Variants in RBFOX1 observed in about 807,000 individuals in gnomAD.
RBFOX1 encodes RNA binding fox-1 homolog 1.
Under a neutral mutation model 57.7 loss-of-function variants are expected in RBFOX1, and 8 were observed. The observed-to-expected ratio is 0.14, with a 90% CI of 0.08 to 0.25. The LOEUF (loss-of-function observed/expected upper bound fraction) is 0.25, where lower values mean the gene tolerates loss of function less well. Ranked by LOEUF, RBFOX1 falls within the 10% of genes least tolerant of loss-of-function variation. RBFOX1 has a pLI of 1.00. For missense variants in RBFOX1, 611 were observed against 548.5 expected, an observed-to-expected ratio of 1.11 and a Z score of -1.14; for synonymous variants, 326 against 222.4, an observed-to-expected ratio of 1.47 and a Z score of -4.15.
intron 3 of RBFOX1, among the ~76,000 whole-genome samples, chr16:6,705,788 C>T (rs964781396): frequency 6.6e-6 from 1 of 152,118 alleles, no homozygotes; most frequent in African/African-American, 2.4e-5. Context: ...GAGCCCGAGG[C>T]AGGCAGATCA....
At chr16:7,208,584 C>G (rs74587285) in intron 4 of RBFOX1, among the ~76,000 whole-genome samples, 4,792 of 152,114 alleles carry the variant, frequency 0.032, 115 homozygotes, top group South Asian at 0.092. Context: ...ACCTGTAACC[C>G]CAGCAATTTG....
chr16:7,402,379 C>G (rs1205385403), intron 4 of RBFOX1, among the ~76,000 whole-genome samples: 1 of 152,164 alleles, frequency 6.6e-6, no homozygotes. Context: ...CAGATTAAGG[C>G]ATTGTACTTC....
chr16:7,006,493 A>C (rs1330600552), intron 3 of RBFOX1, among the ~76,000 whole-genome samples: 1 of 152,012 alleles, frequency 6.6e-6, no homozygotes, highest in Non-Finnish European at 1.5e-5. Flanking sequence ...TCTATTGGTC[A>C]GGCTGGAATG....
chr16:6,887,982 C>A (rs1466582463), intron 3 of RBFOX1, among the ~76,000 whole-genome samples: 3 of 151,938 alleles, frequency 2.0e-5, no homozygotes, highest in African/African-American at 7.2e-5. Flanking sequence ...ATTTTTATTA[C>A]TGCATCTTAT....
Position 6,494,887 on chromosome 16 carries a change from A to G in RBFOX1, c.-63-159716A>G, listed in dbSNP as rs1056210486. The stretch of plus-strand genomic sequence containing the variant: ...AATAGCCAGCATTTATGTAGCATCC[A>G]CCATATGCCAGGCTGTATTCTAAGC... On this transcript the variant is annotated intron_variant, in intron 2 of 15. Coordinates refer to ENST00000550418, the MANE Select transcript of RBFOX1 (RefSeq NM_018723.4). Among the ~76,000 whole-genome samples, 5 of 152,182 alleles carry G rather than the reference A, an allele frequency of 3.3e-5. No homozygotes were observed. The East Asian group carries it at 9.6e-4, about 29-fold the overall frequency.
At chr16:5,564,444 T>C (rs912534897) in intron 2 of RBFOX1, among the ~76,000 whole-genome samples, 3 of 152,206 alleles carry the variant, frequency 2.0e-5, no homozygotes, top group African/African-American at 7.2e-5. Context: ...TCTTGGATTA[T>C]CTCTTTCTCT....
At chr16:7,000,819 C>G (rs186003801) in intron 3 of RBFOX1, among the ~76,000 whole-genome samples, 4 of 151,852 alleles carry the variant, frequency 2.6e-5, no homozygotes, top group East Asian at 1.9e-4. Flanking sequence ...AGCCAGGATG[C>G]TCTCGATCTC....
At chr16:7,282,937 C>A (rs543136653) in intron 4 of RBFOX1, among the ~76,000 whole-genome samples, 28 of 152,270 alleles carry the variant, frequency 1.8e-4, no homozygotes, top group Admixed American at 1.8e-3. Flanking sequence ...GTTGAGTAGT[C>A]CATCATGTGT....
At chr16:7,486,125 T>C (rs1353454955) in intron 4 of RBFOX1, among the ~76,000 whole-genome samples, 2 of 140,522 alleles carry the variant, frequency 1.4e-5, no homozygotes, top group Non-Finnish European at 3.1e-5. Context: ...GTCTTTTTTT[T>C]TTTTTTTTTT....
chr16:5,391,245 T>A (rs1207102357), intron 1 of RBFOX1, among the ~76,000 whole-genome samples: 1 of 152,224 alleles, frequency 6.6e-6, no homozygotes, highest in African/African-American at 2.4e-5. Flanking sequence ...ACATTTATTC[T>A]CTTATAGTAC....
At chr16:5,299,704 G>C (rs2063757353) in intron 1 of RBFOX1, among the ~76,000 whole-genome samples, 1 of 152,088 alleles carries the variant, frequency 6.6e-6, no homozygotes, top group Non-Finnish European at 1.5e-5. Context: ...ATTTCATGGG[G>C]TTTTTTGATG....
rs77489256 is a variant in RBFOX1, at chr16:5,489,778, T to C, written c.258+22524T>C. ...ATAGCTGTCTCTCCAAGAGGGCAAA[T>C]AGGTTCCTCAGGGTCACCCAGCTCA... On this transcript the variant is annotated intron_variant, in intron 2 of 2. Coordinates refer to the RBFOX1 transcript ENST00000585867. 2.4e-4 allele frequency among the ~76,000 whole-genome samples: 36 copies of C among 152,276 alleles called. No individual in the cohort carries two copies. In the East Asian group the frequency reaches 5.6e-3, roughly 24 times the overall value.
At chr16:6,504,929 C>A (rs1054727328) in intron 2 of RBFOX1, among the ~76,000 whole-genome samples, 2 of 151,780 alleles carry the variant, frequency 1.3e-5, no homozygotes, top group African/African-American at 4.8e-5. Flanking sequence ...AATTTTTTAA[C>A]TGGGCTAGTG....
At position 7,508,840 on chromosome 16, in the gene RBFOX1, A is replaced by G. The variant is rs1225843651; in HGVS notation, c.28-9307A>G. 3.3e-5 allele frequency among the ~76,000 whole-genome samples: 5 copies of G among 152,182 alleles called. No homozygotes were observed. The East Asian group carries it at 9.6e-4, about 29-fold the overall frequency. ...TTTATTCACTTCAGAAACCCCATCC[A>G]TTCCTTCCAGTAGGGGAAGATCTCT... On this transcript the variant is annotated intron_variant, in intron 4 of 15. Coordinates refer to ENST00000550418, the MANE Select transcript of RBFOX1 (RefSeq NM_018723.4).
chr16:5,658,257 A>T (rs2049520061), intron 3 of RBFOX1, among the ~76,000 whole-genome samples: 1 of 152,090 alleles, frequency 6.6e-6, no homozygotes, highest in African/African-American at 2.4e-5. Context: ...GGAAGCTGAG[A>T]CCCCAAGACT....
At chr16:6,757,145 A>G (rs2154195771) in intron 3 of RBFOX1, among the ~76,000 whole-genome samples, 1 of 152,356 alleles carries the variant, frequency 6.6e-6, no homozygotes, top group East Asian at 1.9e-4. Context: ...AAGATAAAAA[A>G]TAAATGCTAG....
intron 1 of RBFOX1, among the ~76,000 whole-genome samples, chr16:5,444,547 G>A (rs62016396): frequency 0.027 from 4,079 of 152,266 alleles, 55 homozygotes; most frequent in Middle Eastern, 0.037. Context: ...GCCACCGATC[G>A]GCTGTAACCC....
intron 4 of RBFOX1, among the ~76,000 whole-genome samples, chr16:7,266,227 G>A (rs1438643971): frequency 4.0e-5 from 6 of 150,774 alleles, no homozygotes; most frequent in African/African-American, 1.5e-4. Flanking sequence ...CGGCCGCCTC[G>A]GCCTCCCAAA....
chr16:5,837,641 T>C (rs571157899), intron 3 of RBFOX1, among the ~76,000 whole-genome samples: 37 of 151,240 alleles, frequency 2.4e-4, no homozygotes, highest in African/African-American at 8.2e-4. Flanking sequence ...TTCCTGGTCC[T>C]CTTTTGCGGG....
Sources: gnomAD v4.1 joint callset for allele counts (sites outside exome capture counted in the v4.1 genomes callset) on GRCh38, gnomAD v4.1.1 for gene constraint, MANE v1.5 for transcripts, NCBI Gene and HGNC (gene_info 2026-07-23, HGNC 2026-07-21) for gene names.